Variants in NXPH2 observed in about 807,000 individuals in gnomAD.
The protein encoded by NXPH2 is neurexophilin 2, also known as neurexophilin-2.
NXPH2 carries 5 observed loss-of-function variants against 19.8 expected under a neutral mutation model. The ratio of observed to expected loss-of-function variants is 0.25; its 90% CI spans 0.13 to 0.53. The LOEUF is 0.53. Among genes scored for constraint, NXPH2 ranks in the 20% least tolerant of loss-of-function variants. NXPH2 has a pLI of 0.96. For synonymous variants in NXPH2, 154 were observed against 127.4 expected, an observed-to-expected ratio of 1.21 and a Z score of -1.41; for missense variants, 289 against 322.8, an observed-to-expected ratio of 0.90 and a Z score of 0.80.
At chr2:138,759,671 A>G (rs930454366) in intron 1 of NXPH2, among the ~76,000 whole-genome samples, 4 of 151,976 alleles carry the variant, frequency 2.6e-5, no homozygotes, top group Non-Finnish European at 5.9e-5. Context: ...ATTTTACAAA[A>G]GACAAAGCGG....
intron 1 of NXPH2, among the ~76,000 whole-genome samples, chr2:138,762,972 A>G (rs1682041074): frequency 6.6e-6 from 1 of 152,250 alleles, no homozygotes; most frequent in African/African-American, 2.4e-5. Context: ...CGTATTACGA[A>G]TAAGTTACAG....
chr2:138,733,479 T>A (rs1681483394), intron 1 of NXPH2, among the ~76,000 whole-genome samples: 1 of 152,066 alleles, frequency 6.6e-6, no homozygotes. Flanking sequence ...TCAGGTAACA[T>A]AACAAAGAGC....
At chr2:138,709,281 A>T (rs1383517148) in intron 1 of NXPH2, among the ~76,000 whole-genome samples, 1 of 152,204 alleles carries the variant, frequency 6.6e-6, no homozygotes, top group Non-Finnish European at 1.5e-5. Context: ...ATCCTACAGC[A>T]GCCTTCACAG....
intron 1 of NXPH2, among the ~76,000 whole-genome samples, chr2:138,707,437 C>T (rs890220291): frequency 1.3e-5 from 2 of 152,038 alleles, no homozygotes; most frequent in Non-Finnish European, 2.9e-5. Flanking sequence ...TCACTTGTGG[C>T]CTGATCTGGG....
At chr2:138,762,539 A>T (rs1263052174) in intron 1 of NXPH2, among the ~76,000 whole-genome samples, 1 of 152,218 alleles carries the variant, frequency 6.6e-6, no homozygotes, top group East Asian at 1.9e-4. Context: ...ACTTGGTCAC[A>T]TGCCTTCACC....
chr2:138,761,505 C>T (rs934090014), intron 1 of NXPH2, among the ~76,000 whole-genome samples: 1 of 152,194 alleles, frequency 6.6e-6, no homozygotes, highest in Non-Finnish European at 1.5e-5. Context: ...ATCTGCTGTG[C>T]CTCCTGTTGG....
At chr2:138,733,062 G>A (rs13383569) in intron 1 of NXPH2, among the ~76,000 whole-genome samples, 17,842 of 152,066 alleles carry the variant, frequency 0.12, 1,192 homozygotes, top group African/African-American at 0.14. Context: ...GCCTTATATA[G>A]CTCTTTGTTT....
At chr2:138,741,123 T>C (rs903094935) in intron 1 of NXPH2, among the ~76,000 whole-genome samples, 4 of 152,094 alleles carry the variant, frequency 2.6e-5, no homozygotes, top group African/African-American at 9.7e-5. Context: ...ACTTAACAGA[T>C]CTGAGAAAGG....
chr2:138,707,568 C>A (rs950120633), intron 1 of NXPH2, among the ~76,000 whole-genome samples: 2 of 152,126 alleles, frequency 1.3e-5, no homozygotes, highest in African/African-American at 2.4e-5. Context: ...TATGCTATCA[C>A]TTTCCTCTCA....
At chr2:138,674,570 C>T (rs543639589) in intron 1 of NXPH2, among the ~76,000 whole-genome samples, 13 of 152,154 alleles carry the variant, frequency 8.5e-5, no homozygotes, top group Admixed American at 2.0e-4. Context: ...CAGGAGCGAA[C>T]CATCATGTCC....
intron 1 of NXPH2, among the ~76,000 whole-genome samples, chr2:138,740,718 A>G (rs1681629093): frequency 6.6e-6 from 1 of 151,994 alleles, no homozygotes; most frequent in African/African-American, 2.4e-5. Context: ...ATCATCCAAG[A>G]TTTTAATTCT....
At chr2:138,744,352 A>C (rs2105007888) in intron 1 of NXPH2, among the ~76,000 whole-genome samples, 1 of 152,308 alleles carries the variant, frequency 6.6e-6, no homozygotes, top group East Asian at 1.9e-4. Flanking sequence ...AAGTGAAAAC[A>C]AAAAAGACAA....
At chr2:138,701,169 G>A (rs570434271) in intron 1 of NXPH2, among the ~76,000 whole-genome samples, 4 of 152,196 alleles carry the variant, frequency 2.6e-5, no homozygotes, top group South Asian at 4.1e-4. Context: ...TTCTAGGAGC[G>A]TTTGCAATCT....
At chr2:138,756,427 G>C (rs1045667028) in intron 1 of NXPH2, among the ~76,000 whole-genome samples, 1 of 149,756 alleles carries the variant, frequency 6.7e-6, no homozygotes, top group African/African-American at 2.5e-5. Context: ...TCTAGGTGCA[G>C]AATGTGCTTA....
chr2:138,769,381 C>T (rs1189914185), intron 1 of NXPH2, among the ~76,000 whole-genome samples: 1 of 152,046 alleles, frequency 6.6e-6, no homozygotes, highest in Non-Finnish European at 1.5e-5. Context: ...ATGAAGGAAG[C>T]TGAAAGAATG....
At chr2:138,691,006 A>G (rs1207538688) in intron 1 of NXPH2, among the ~76,000 whole-genome samples, 6 of 152,196 alleles carry the variant, frequency 3.9e-5, no homozygotes, top group East Asian at 3.8e-4. Context: ...CGCCATCACA[A>G]CAAGGGAAGA....
At chr2:138,692,765 T>A (rs559940276) in intron 1 of NXPH2, among the ~76,000 whole-genome samples, 2 of 152,150 alleles carry the variant, frequency 1.3e-5, no homozygotes, top group African/African-American at 4.8e-5. Context: ...AGATTTCTAA[T>A]ATTTATAAAG....
chr2:138,773,338 C>A (rs1438583237), intron 1 of NXPH2, among the ~76,000 whole-genome samples: 1 of 152,128 alleles, frequency 6.6e-6, no homozygotes, highest in Non-Finnish European at 1.5e-5. Flanking sequence ...CAATCCCAAT[C>A]GTCTCCTGTT....
At chr2:138,706,583 C>A (rs1367986765) in intron 1 of NXPH2, among the ~76,000 whole-genome samples, 1 of 152,074 alleles carries the variant, frequency 6.6e-6, no homozygotes, top group East Asian at 1.9e-4. Context: ...ATTAGATAGG[C>A]TGATGAATAT....
Sources: allele counts gnomAD v4.1 joint callset (sites outside exome capture counted in the v4.1 genomes callset), GRCh38; gene constraint gnomAD v4.1.1; transcripts MANE v1.5; gene names NCBI Gene and HGNC (gene_info 2026-07-23, HGNC 2026-07-21).